Variants in MCPH1 observed in about 807,000 individuals in gnomAD.
The protein encoded by MCPH1 is microcephalin 1.
In MCPH1, 104 loss-of-function variants were observed where a neutral mutation model predicts 84.5. That is an observed-to-expected ratio of 1.23 (90% confidence interval 1.05 to 1.45). The LOEUF (loss-of-function observed/expected upper bound fraction) is 1.45, where lower values mean the gene tolerates loss of function less well. MCPH1 is among the 40% of genes most tolerant of loss of function. The pLI, the probability that MCPH1 is intolerant of heterozygous loss-of-function variation, is 0.00. For missense variants in MCPH1, 1,498 were observed against 1,005.7 expected, an observed-to-expected ratio of 1.49 and a Z score of -6.62; for synonymous variants, 514 against 366.8, an observed-to-expected ratio of 1.40 and a Z score of -4.58.
chr8:6,601,543 A>ACC, intron 12 of MCPH1, among the ~76,000 whole-genome samples: 1 of 140,672 alleles, frequency 7.1e-6, no homozygotes, highest in Non-Finnish European at 1.5e-5. Context: ...ACACACACAC[A>ACC]CACCCCTACG....
chr8:6,621,436 T>C lies in MCPH1; in HGVS notation c.2215-18T>C, dbSNP rs565807162. 3.0e-4 allele frequency: 477 copies of C among 1,613,616 alleles called. No homozygotes were observed. Among genetic ancestry groups the C allele is most frequent in the Middle Eastern group, 9.9e-4 (6 of 6,062 alleles). On this transcript the variant is annotated intron_variant, in intron 12 of 13. Coordinates refer to ENST00000344683, the MANE Select transcript of MCPH1 (RefSeq NM_024596.5). Reference sequence around the variant, plus strand: ...GAGTGGTCCCACCTCTGTAATTCTATCTCTGTCTGCCCCACAGCTGTGCCG... The same window carrying C: ...GAGTGGTCCCACCTCTGTAATTCTACCTCTGTCTGCCCCACAGCTGTGCCG...
At chr8:6,431,730 ATTT>A (rs976709180) in intron 4 of MCPH1, 144 bp downstream of exon 4, 1 of 613,110 alleles carries the variant, frequency 1.6e-6, no homozygotes, top group African/African-American at 1.9e-5. Flanking sequence ...TTCACATAGC[ATTT>A]TTAAGTGAAT....
chr8:6,604,479 C>G (rs561667259), intron 12 of MCPH1, among the ~76,000 whole-genome samples: 1 of 152,286 alleles, frequency 6.6e-6, no homozygotes, highest in Non-Finnish European at 1.5e-5. Context: ...TGTGAGAGCA[C>G]ATGTCAGAAT....
chr8:6,439,156 A>G (rs1298598753), intron 6 of MCPH1, 60 bp downstream of exon 6: 2 of 1,529,026 alleles, frequency 1.3e-6, no homozygotes, highest in Non-Finnish European at 1.8e-6. Flanking sequence ...TATGGTGGAA[A>G]GCTTCTTTTT....
intron 12 of MCPH1, among the ~76,000 whole-genome samples, chr8:6,560,990 C>T (rs141092652): frequency 2.0e-3 from 303 of 152,294 alleles, no homozygotes; most frequent in African/African-American, 6.9e-3. Flanking sequence ...TTTCATGCCT[C>T]GCTGTGACTC....
intron 12 of MCPH1, among the ~76,000 whole-genome samples, chr8:6,552,752 G>A (rs1823875320): frequency 6.6e-6 from 1 of 151,584 alleles, no homozygotes; most frequent in Non-Finnish European, 1.5e-5. Context: ...GATACACAGT[G>A]ATTGTTTCGG....
intron 12 of MCPH1, among the ~76,000 whole-genome samples, chr8:6,511,833 A>G (rs1479072539): frequency 6.6e-6 from 1 of 152,200 alleles, no homozygotes; most frequent in African/African-American, 2.4e-5. Context: ...GTCAGCGTAC[A>G]AGGGTAATGA....
chr8:6,632,250 G>C (rs1288288166), intron 13 of MCPH1, among the ~76,000 whole-genome samples: 1 of 152,168 alleles, frequency 6.6e-6, no homozygotes, highest in Non-Finnish European at 1.5e-5. Flanking sequence ...GAACATTCTA[G>C]AAATTAATAG....
At chr8:6,417,890 C>G (rs1799543072) in intron 3 of MCPH1, among the ~76,000 whole-genome samples, 1 of 152,190 alleles carries the variant, frequency 6.6e-6, no homozygotes, top group African/African-American at 2.4e-5. Context: ...GTTGTAAATA[C>G]TATGTAGACT....
At chr8:6,587,390 T>C (rs1336731645) in intron 12 of MCPH1, among the ~76,000 whole-genome samples, 1 of 152,172 alleles carries the variant, frequency 6.6e-6, no homozygotes, top group Non-Finnish European at 1.5e-5. Context: ...CCCAGCTTTA[T>C]GGGGTATAAT....
intron 8 of MCPH1, among the ~76,000 whole-genome samples, chr8:6,449,107 T>G (rs1029483724): frequency 6.6e-6 from 1 of 152,228 alleles, no homozygotes; most frequent in Non-Finnish European, 1.5e-5. Context: ...AGATTTTACG[T>G]ATTTCACTTT....
chr8:6,442,089 T>C lies in MCPH1; in HGVS notation c.603T>C (p.Ser201=). The change falls in exon 7 of 14, where the codon TCT becomes TCC. Residue 201 remains serine (S), a synonymous_variant. Transcript: ENST00000344683. ...TAGCTTCCCAAATGATTCAGCAGTCTCATGATAATCCAAGTAACTCTCTGT... is the reference window on the plus strand; with the variant it reads ...TAGCTTCCCAAATGATTCAGCAGTCCCATGATAATCCAAGTAACTCTCTGT... ...SPTSSQMIQQ[S]HDNPSNSLCE... 6.2e-7 allele frequency: 1 copy of C among 1,613,230 alleles called. No homozygotes were observed. Among genetic ancestry groups the C allele is most frequent in the Non-Finnish European group, 8.5e-7 (1 of 1,179,172 alleles).
intron 12 of MCPH1, among the ~76,000 whole-genome samples, chr8:6,516,609 A>G (rs960613445): frequency 6.6e-6 from 1 of 152,174 alleles, no homozygotes; most frequent in Non-Finnish European, 1.5e-5. Flanking sequence ...ACTTCTATCA[A>G]TATTTCTTTT....
intron 12 of MCPH1, chr8:6,521,413 T>A (rs1314799650): frequency 4.4e-6 from 7 of 1,601,790 alleles, no homozygotes; most frequent in Non-Finnish European, 6.0e-6. Context: ...CTAGGAAACT[T>A]GTAAGGAAAA....
chr8:6,488,160 G>A (rs972008778), intron 11 of MCPH1, among the ~76,000 whole-genome samples: 7 of 152,224 alleles, frequency 4.6e-5, no homozygotes, highest in African/African-American at 1.4e-4. Context: ...CTGCGGCAGC[G>A]TGGCCTCTGG....
chr8:6,639,265 G>T (rs1296409778), intron 13 of MCPH1, among the ~76,000 whole-genome samples: 1 of 152,190 alleles, frequency 6.6e-6, no homozygotes, highest in Non-Finnish European at 1.5e-5. Flanking sequence ...AACTCAAACA[G>T]TAGACAAGTA....
intron 9 of MCPH1, among the ~76,000 whole-genome samples, chr8:6,459,241 CTG>C (rs1342729555): frequency 6.6e-6 from 1 of 152,056 alleles, no homozygotes; most frequent in African/African-American, 2.4e-5. Flanking sequence ...TCAAGATAAA[CTG>C]TGTTAAACTG....
At chr8:6,477,474 T>G in intron 9 of MCPH1, 120 bp from the exon 10 acceptor site, 1 of 895,566 alleles carries the variant, frequency 1.1e-6, no homozygotes, top group Non-Finnish European at 1.8e-6. Context: ...TGACATATGC[T>G]TAAATGTTTA....
At chr8:6,409,240 A>T (rs775575750) in intron 1 of MCPH1, 39 bp from the exon 2 acceptor site, 6 of 1,528,974 alleles carry the variant, frequency 3.9e-6, no homozygotes, top group Non-Finnish European at 5.4e-6. Context: ...GGATGCTGGA[A>T]TTTCAAATGT....
Sources: gnomAD v4.1 joint callset for allele counts (sites outside exome capture counted in the v4.1 genomes callset) on GRCh38, gnomAD v4.1.1 for gene constraint, MANE v1.5 for transcripts, NCBI Gene and HGNC (gene_info 2026-07-23, HGNC 2026-07-21) for gene names.